Variants in LMBRD2 observed in about 807,000 individuals in gnomAD.
LMBRD2 encodes the protein LMBR1 domain containing 2.
In LMBRD2, 55 loss-of-function variants were observed where a neutral mutation model predicts 94.4. The observed-to-expected ratio is 0.58, with a 90% CI of 0.47 to 0.73. The LOEUF is 0.73. Among genes scored for constraint, LMBRD2 ranks in the 30% least tolerant of loss-of-function variants. The pLI is 0.00. For missense variants in LMBRD2, 640 were observed against 831.9 expected, an observed-to-expected ratio of 0.77 and a Z score of 2.84; for synonymous variants, 246 against 272.4, an observed-to-expected ratio of 0.90 and a Z score of 0.95.
In LMBRD2 at chr5:36,116,548, A is replaced by G; in HGVS notation, c.1348T>C (p.Ser450Pro). 1 of 1,613,686 alleles carries G rather than the reference A, an allele frequency of 6.2e-7. No homozygotes were observed. Among genetic ancestry groups the G allele is most frequent in the Non-Finnish European group, 8.5e-7 (1 of 1,179,640 alleles). Reference protein sequence around the residue: ...SIFFLSICVYSTVFRIRVFNY... With the variant: ...SIFFLSICVYPTVFRIRVFNY... ...AATACACGAATCCTGAACACAGTAG[A>G]ATAAACACAGATACTTAGGAAGAAG... Residue 450 changes from serine to proline, a missense_variant, in exon 11 of 18, where the codon TCT (serine) becomes CCT (proline). Transcript: ENST00000296603.
chr5:36,113,208 T>G (rs561842873), intron 13 of LMBRD2, among the ~76,000 whole-genome samples: 9 of 152,210 alleles, frequency 5.9e-5, no homozygotes, highest in Non-Finnish European at 1.3e-4. Flanking sequence ...TTTCAGACAT[T>G]GTATGGAAAA....
intron 16 of LMBRD2, among the ~76,000 whole-genome samples, chr5:36,105,694 A>C (rs543929376): frequency 6.6e-6 from 1 of 152,338 alleles, no homozygotes; most frequent in Admixed American, 6.5e-5. Context: ...TCTAGTAGCT[A>C]TATTAAAAAG....
chr5:36,140,318 C>CACT (rs924681487), intron 4 of LMBRD2, among the ~76,000 whole-genome samples: 5 of 152,236 alleles, frequency 3.3e-5, no homozygotes, highest in African/African-American at 1.2e-4. Flanking sequence ...CACCCCTCAC[C>CACT]ACTCCATGCC....
At chr5:36,117,671 G>A in intron 10 of LMBRD2, 64 bp downstream of exon 10, 2 of 1,150,850 alleles carry the variant, frequency 1.7e-6, no homozygotes, top group Non-Finnish European at 2.4e-6. Context: ...AATACATGGA[G>A]AAAATAGTTA....
chr5:36,100,109 CT>C lies in LMBRD2; in HGVS notation c.*3936del, dbSNP rs1433486860. The C allele has an allele frequency of 2.6e-5, 4 of 152,064 alleles. No individual in the cohort carries two copies. The highest frequency in any genetic ancestry group is 5.9e-5 in the Non-Finnish European group (4 of 68,008). 9.4% of individuals were successfully genotyped at this position (152,064 alleles called of 1,614,324 possible). A position where few individuals can be genotyped will look rare whatever the true frequency, so the allele number is the denominator to read the frequency against. On this transcript the variant is annotated 3_prime_UTR_variant, in exon 18 of 18. Transcript: ENST00000296603. Reference sequence around the variant, plus strand: ...GATGGGAATTCATATTTTAGAAGGCCTTCTGTAACCTTCTTATATTGTTTCA... The same window carrying C: ...GATGGGAATTCATATTTTAGAAGGCCTCTGTAACCTTCTTATATTGTTTCA...
At chr5:36,122,603 T>C in intron 8 of LMBRD2, 140 bp from the exon 9 acceptor site, 1 of 880,290 alleles carries the variant, frequency 1.1e-6, no homozygotes, top group Non-Finnish European at 1.7e-6. Flanking sequence ...AATATTAATG[T>C]TCCAAAATGA....
At position 36,117,741 on chromosome 5, in the gene LMBRD2, A is replaced by G. The variant is rs1193807701; in HGVS notation, c.1296T>C (p.Tyr432=). The part of the protein sequence containing the change: ...QLAEKTYNYI[Y]IEIACFLSIF... ...AGACATAAAATAAACTGACCTCGAT[A>G]TAAATATAATTATATGTTTTTTCTG... Residue 432 remains tyrosine (Y), a synonymous_variant, in exon 10 of 18, where the codon TAT becomes TAC. Transcript: ENST00000296603. 6.3e-7 allele frequency: 1 copy of G among 1,598,808 alleles called. No individual in the cohort carries two copies. Among genetic ancestry groups the G allele is most frequent in the African/African-American group, 1.3e-5 (1 of 74,308 alleles).
At chr5:36,149,015 G>A (rs975292036) in intron 1 of LMBRD2, among the ~76,000 whole-genome samples, 1 of 152,098 alleles carries the variant, frequency 6.6e-6, no homozygotes, top group Non-Finnish European at 1.5e-5. Flanking sequence ...TACTCTACAT[G>A]GGAAAAGTGG....
chr5:36,115,786 T>C (rs1743729902), intron 11 of LMBRD2, among the ~76,000 whole-genome samples: 1 of 152,124 alleles, frequency 6.6e-6, no homozygotes. Context: ...TAGTTTGTAG[T>C]TAATAGTAAT....
At position 36,132,395 on chromosome 5, in the gene LMBRD2, C is replaced by A. The variant is rs181472272; in HGVS notation, c.747+3914G>T. Among the ~76,000 whole-genome samples, 35 of 151,982 alleles carry A rather than the reference C, an allele frequency of 2.3e-4. No homozygotes were observed. The East Asian group carries it at 6.2e-3, about 27-fold the overall frequency. On this transcript the variant is annotated intron_variant, in intron 6 of 17. Coordinates refer to ENST00000296603, the MANE Select transcript of LMBRD2 (RefSeq NM_001007527.2). ...TGGAGAAACTCTCCAGGATATTGGA[C>A]TGGGCAAAAATTTATTTAGTAATAA...
rs1183832330 is a variant in LMBRD2 at position 36,117,794 on chromosome 5, A to G, written c.1243T>C (p.Ser415Pro). The G allele has an allele frequency of 6.2e-7, 1 of 1,613,768 alleles. No homozygotes were observed. Among genetic ancestry groups the G allele is most frequent in the East Asian group, 2.2e-5 (1 of 44,876 alleles). Reference sequence around the variant, plus strand: ...AGCTGTATGAAGACCGCAAAGAGGGATAAGACAGGAGTAGTGCTAAAGAAT... The same window carrying G: ...AGCTGTATGAAGACCGCAAAGAGGGGTAAGACAGGAGTAGTGCTAAAGAAT... ...CTFFSTTPVL[S>P]LFAVFIQLAE... The change falls in exon 10 of 18, where the codon TCC (serine) becomes CCC (proline). Residue 415 changes from serine to proline, a missense_variant. Ser to Pro is a moderately conservative substitution (Grantham distance 74). Coordinates refer to ENST00000296603, the MANE Select transcript of LMBRD2 (RefSeq NM_001007527.2).
At chr5:36,139,153 T>G (rs903431661) in intron 4 of LMBRD2, among the ~76,000 whole-genome samples, 1 of 152,176 alleles carries the variant, frequency 6.6e-6, no homozygotes, top group African/African-American at 2.4e-5. Flanking sequence ...CCTACAGGCT[T>G]GGAAGTACCT....
At chr5:36,136,185 G>C in intron 6 of LMBRD2, 124 bp downstream of exon 6, 1 of 848,886 alleles carries the variant, frequency 1.2e-6, no homozygotes, top group East Asian at 2.4e-5. Flanking sequence ...CTGAAGGATT[G>C]CACAACACCA....
chr5:36,134,089 T>C lies in LMBRD2; in HGVS notation c.747+2220A>G, dbSNP rs141560830. On this transcript the variant is annotated intron_variant, in intron 6 of 17. Coordinates refer to ENST00000296603, the MANE Select transcript of LMBRD2 (RefSeq NM_001007527.2). Reference sequence around the variant, plus strand: ...TCAATTTTTTCAAAAATTCAAAATTTCAAATATAAATGTAAAATTTATCAA... The same window carrying C: ...TCAATTTTTTCAAAAATTCAAAATTCCAAATATAAATGTAAAATTTATCAA... Among the ~76,000 whole-genome samples the C allele has an allele frequency of 2.4e-3, 360 of 152,242 alleles. 1 individual carries two copies. The highest frequency in any genetic ancestry group is 8.3e-3 in the African/African-American group (344 of 41,560).
At chr5:36,125,288 A>C (rs1743982246) in intron 6 of LMBRD2, among the ~76,000 whole-genome samples, 1 of 152,218 alleles carries the variant, frequency 6.6e-6, no homozygotes, top group Admixed American at 6.5e-5. Context: ...GCATAAGAGA[A>C]GTGAGCAGGA....
intron 15 of LMBRD2, 102 bp downstream of exon 15, chr5:36,109,841 ACT>A (rs1743561597): frequency 7.5e-6 from 6 of 805,092 alleles, no homozygotes; most frequent in Non-Finnish European, 1.2e-5. Flanking sequence ...ACATTTTTCC[ACT>A]GTTTTTTTCT....
rs139248479 is a variant in LMBRD2 at position 36,105,152 on chromosome 5, C to T, written c.1943G>A (p.Arg648Gln). The T allele has an allele frequency of 2.2e-3, 3,473 of 1,612,510 alleles. 7 individuals carry two copies. Among genetic ancestry groups the T allele is most frequent in the Non-Finnish European group, 2.6e-3 (3,053 of 1,178,882 alleles). The change falls in exon 17 of 18, where the codon CGG (arginine) becomes CAG (glutamine). Residue 648 changes from arginine (R) to glutamine (Q), a missense_variant. By Grantham distance (43) the Arg-to-Gln change is conservative. Around this residue, in one of 2 missense-constraint regions of LMBRD2, gnomAD observed 183 missense variants for 189.1 expected, o/e 0.97. Transcript: ENST00000296603. ...TRANNRTERD[R>Q]IELLQDAEPL... is the part of the protein sequence containing the mutation. ...TTCTGCATCTTGGAGAAGTTCTATC[C>T]GGTCCCTTTCAGTCCTGTTATTAGC...
chr5:36,150,022 G>C (rs1197850629), intron 1 of LMBRD2, among the ~76,000 whole-genome samples: 2 of 152,096 alleles, frequency 1.3e-5, no homozygotes, highest in Non-Finnish European at 2.9e-5. Flanking sequence ...GTCTTCAATG[G>C]ACACAATTCC....
intron 8 of LMBRD2, 107 bp downstream of exon 8, chr5:36,122,741 G>A (rs1743916106): frequency 1.5e-6 from 2 of 1,332,270 alleles, no homozygotes; most frequent in Non-Finnish European, 1.0e-6. Flanking sequence ...CGGGATTAAA[G>A]GAAGTTTTAA....
Sources: allele counts gnomAD v4.1 joint callset (sites outside exome capture counted in the v4.1 genomes callset), GRCh38; gene constraint gnomAD v4.1.1; regional missense constraint gnomAD v4.1.1; transcripts MANE v1.5; gene names NCBI Gene and HGNC (gene_info 2026-07-23, HGNC 2026-07-21).